The following C12orf42 variants were observed in gnomAD, a reference collection of about 807,000 sequenced individuals.
The protein encoded by C12orf42 is chromosome 12 open reading frame 42.
C12orf42 carries 25 observed loss-of-function variants against 21.6 expected under a neutral mutation model. That is an observed-to-expected ratio of 1.16 (90% CI 0.84 to 1.62). The LOEUF (loss-of-function observed/expected upper bound fraction) is 1.62, where lower values mean the gene tolerates loss of function less well. Ranked by LOEUF, C12orf42 falls within the 40% of genes most tolerant of loss-of-function variation. The pLI is 0.00. For missense variants in C12orf42, 483 were observed against 459.3 expected, an observed-to-expected ratio of 1.05 and a Z score of -0.47; for synonymous variants, 174 against 175.0, an observed-to-expected ratio of 0.99 and a Z score of 0.05.
At chr12:103,560,481 G>C in the C12orf42 span, among the ~76,000 whole-genome samples, 1 of 31,004 alleles carries the variant, frequency 3.2e-5, no homozygotes, top group African/African-American at 8.7e-5. Context: ...TCTTAATCTG[G>C]GGATAATGTA....
chr12:103,473,740 T>C (rs1953807390), intron 2 of C12orf42, among the ~76,000 whole-genome samples: 1 of 152,152 alleles, frequency 6.6e-6, no homozygotes, highest in Non-Finnish European at 1.5e-5. Flanking sequence ...CTGAGCTCAC[T>C]CCCAATCCCT....
intron 4 of C12orf42, among the ~76,000 whole-genome samples, chr12:103,322,033 T>C (rs1037770157): frequency 1.3e-5 from 2 of 151,488 alleles, no homozygotes; most frequent in African/African-American, 2.4e-5. Context: ...GAAAAAAAAA[T>C]TTCTGGTTGG....
chr12:103,140,316 A>T, the C12orf42 span, among the ~76,000 whole-genome samples: 1 of 152,200 alleles, frequency 6.6e-6, no homozygotes. Flanking sequence ...AGGCTGACCT[A>T]ATCTAGTCTA....
intron 10 of C12orf42, among the ~76,000 whole-genome samples, chr12:103,252,158 G>T (rs537446558): frequency 6.6e-6 from 1 of 152,230 alleles, no homozygotes; most frequent in South Asian, 2.1e-4. Flanking sequence ...ATTCCATGGT[G>T]TATATGTGCC....
intron 3 of C12orf42, among the ~76,000 whole-genome samples, chr12:103,374,653 A>G (rs923009559): frequency 2.6e-5 from 4 of 152,160 alleles, no homozygotes; most frequent in African/African-American, 4.8e-5. Flanking sequence ...GCCAACACAC[A>G]AAATAACCAA....
chr12:103,376,696 A>C (rs1392382480), intron 3 of C12orf42, among the ~76,000 whole-genome samples: 2 of 152,128 alleles, frequency 1.3e-5, no homozygotes, highest in African/African-American at 4.8e-5. Flanking sequence ...TTGTTCTTAC[A>C]TCTCTGAAAA....
intron 1 of C12orf42, among the ~76,000 whole-genome samples, chr12:103,488,431 G>A (rs1954978955): frequency 6.6e-6 from 1 of 152,036 alleles, no homozygotes; most frequent in African/African-American, 2.4e-5. Flanking sequence ...TGTGTGTCTT[G>A]GGGTTGCTCT....
At chr12:103,152,691 A>C in the C12orf42 span, among the ~76,000 whole-genome samples, 3 of 152,136 alleles carry the variant, frequency 2.0e-5, no homozygotes, top group Non-Finnish European at 2.9e-5. Context: ...CTTATAATGC[A>C]ATATAGTAAT....
At chr12:103,483,811 C>G (rs146471507) in intron 1 of C12orf42, among the ~76,000 whole-genome samples, 309 of 152,218 alleles carry the variant, frequency 2.0e-3, no homozygotes, top group African/African-American at 7.0e-3. Flanking sequence ...ATCCCTCCCC[C>G]AGCCCCCACC....
At chr12:103,078,343 T>G in the C12orf42 span, among the ~76,000 whole-genome samples, 1 of 152,172 alleles carries the variant, frequency 6.6e-6, no homozygotes, top group Admixed American at 6.6e-5. Context: ...AAGTTTATGG[T>G]TTTTTTCTTT....
chr12:103,231,151 C>T, the C12orf42 span, among the ~76,000 whole-genome samples: 4 of 152,148 alleles, frequency 2.6e-5, no homozygotes, highest in Non-Finnish European at 5.9e-5. Context: ...ATGGACCTCA[C>T]ATTTTATAGC....
At chr12:103,547,704 C>T in the C12orf42 span, 1 of 152,214 alleles carries the variant, frequency 6.6e-6, no homozygotes, top group African/African-American at 2.4e-5. Flanking sequence ...TAAAAGGTAC[C>T]ACATTCCAAA....
the C12orf42 span, among the ~76,000 whole-genome samples, chr12:103,132,576 T>C: frequency 1.3e-5 from 2 of 152,066 alleles, no homozygotes; most frequent in Non-Finnish European, 2.9e-5. Flanking sequence ...AGATCCCCAC[T>C]CCCACCAGAC....
intron 2 of C12orf42, among the ~76,000 whole-genome samples, chr12:103,441,236 A>G (rs1459836812): frequency 6.6e-6 from 1 of 152,132 alleles, no homozygotes; most frequent in Non-Finnish European, 1.5e-5. Context: ...CTGGACAGAG[A>G]AGGGGGAGGA....
intron 4 of C12orf42, among the ~76,000 whole-genome samples, chr12:103,333,010 A>C (rs1296075784): frequency 6.6e-6 from 1 of 152,204 alleles, no homozygotes; most frequent in African/African-American, 2.4e-5. Context: ...TAAGCAATGA[A>C]GATGAAAAAT....
chr12:103,244,676 CCT>C (rs1308027208), intron 10 of C12orf42, among the ~76,000 whole-genome samples: 3 of 152,012 alleles, frequency 2.0e-5, no homozygotes, highest in Non-Finnish European at 2.9e-5. Flanking sequence ...TAGAATTTCC[CCT>C]CTTTTTTATC....
chr12:103,166,899 A>C, the C12orf42 span, among the ~76,000 whole-genome samples: 2 of 152,318 alleles, frequency 1.3e-5, no homozygotes, highest in Middle Eastern at 3.4e-3. Context: ...GTAATGGCTC[A>C]GAAAATTAGC....
chr12:103,318,635 A>C (rs1262991620), intron 4 of C12orf42, among the ~76,000 whole-genome samples: 1 of 152,150 alleles, frequency 6.6e-6, no homozygotes, highest in Non-Finnish European at 1.5e-5. Flanking sequence ...TAAATCTTTC[A>C]TCTGAATTGC....
At chr12:103,096,129 C>A in the C12orf42 span, among the ~76,000 whole-genome samples, 2 of 152,172 alleles carry the variant, frequency 1.3e-5, no homozygotes, top group East Asian at 3.8e-4. Context: ...TTTTGCTAAT[C>A]TATTTTTGTA....
Sources: gnomAD v4.1 joint callset for allele counts (sites outside exome capture counted in the v4.1 genomes callset) on GRCh38, gnomAD v4.1.1 for gene constraint, MANE v1.5 for transcripts, NCBI Gene and HGNC (gene_info 2026-07-23, HGNC 2026-07-21) for gene names.